The following TMPRSS15 variants were observed in gnomAD, a reference collection of about 807,000 sequenced individuals.
TMPRSS15 encodes the protein transmembrane serine protease 15, also known as enteropeptidase.
A neutral mutation model predicts 125.3 loss-of-function variants in TMPRSS15; 128 were observed. The observed-to-expected ratio is 1.02, with a 90% CI of 0.89 to 1.18. The LOEUF (loss-of-function observed/expected upper bound fraction) is 1.18, where lower values mean the gene tolerates loss of function less well. TMPRSS15 is among the 50% of genes most tolerant of loss of function. TMPRSS15 has a pLI of 0.00. For synonymous variants in TMPRSS15, 446 were observed against 423.2 expected, an observed-to-expected ratio of 1.05 and a Z score of -0.66; for missense variants, 1,283 against 1,212.7, an observed-to-expected ratio of 1.06 and a Z score of -0.86.
chr21:18,297,788 C>A lies in TMPRSS15; in HGVS notation c.2207G>T (p.Gly736Val). 1 of 1,613,734 alleles carries A rather than the reference C, an allele frequency of 6.2e-7. No individual in the cohort carries two copies. The highest frequency in any genetic ancestry group is 1.1e-5 in the South Asian group (1 of 91,062). The change falls in exon 19 of 25, where the codon GGA becomes GTA. Residue 736 changes from glycine to valine, a missense_variant. Coordinates refer to ENST00000284885, the MANE Select transcript of TMPRSS15 (RefSeq NM_002772.3). ...SSKPIFPTDGGPFVKLNTAPD... is the reference protein window; with the variant it reads ...SSKPIFPTDGVPFVKLNTAPD... ...TGCTGTGTTTAATTTGACAAATGGT[C>A]CACCATCGGTAGGGAAGATTGGCTT... is the stretch of plus-strand genomic sequence containing the variant.
At chr21:18,472,852 T>C (rs1978807645) in intron 1 of TMPRSS15, among the ~76,000 whole-genome samples, 1 of 152,066 alleles carries the variant, frequency 6.6e-6, no homozygotes, top group African/African-American at 2.4e-5. Context: ...AATGACCTTG[T>C]TGAAAATGTG....
Position 18,287,757 on chromosome 21 carries a change from T to A in TMPRSS15, c.2486+6513A>T, listed in dbSNP as rs2074783270. ...CAAGGTTGGAAGTTGATATAACCTC[T>A]AATAAAGACATAAATCTAAAAAGTC... On this transcript the variant is annotated intron_variant, in intron 21 of 24. Transcript: ENST00000284885. 2.0e-5 allele frequency among the ~76,000 whole-genome samples: 3 copies of A among 152,176 alleles called. No homozygotes were observed. In the South Asian group the frequency reaches 6.2e-4, roughly 31 times the overall value.
chr21:18,353,702 C>A, intron 9 of TMPRSS15, 21 bp downstream of exon 9: 1 of 1,602,018 alleles, frequency 6.2e-7, no homozygotes. Flanking sequence ...ATTAAAAAGC[C>A]AAAAAATAAA....
chr21:18,479,786 G>A (rs1978946710), intron 1 of TMPRSS15, among the ~76,000 whole-genome samples: 1 of 152,040 alleles, frequency 6.6e-6, no homozygotes, highest in African/African-American at 2.4e-5. Flanking sequence ...TTAAAATATT[G>A]GTGGGATGGT....
chr21:18,294,642 A>AACACTGTTG lies in TMPRSS15; in HGVS notation c.2263_2271dup (p.Gln755_Cys757dup). Reference sequence around the variant, plus strand: ...TGTAACCGAATCAAGGAATCCTGTAAACACTGTTGACTGTAATAGAAGAAC... The same window carrying AACACTGTTG: ...TGTAACCGAATCAAGGAATCCTGTAAACACTGTTGACACTGTTGACTGTAATAGAAGAAC... On this transcript the variant is annotated inframe_insertion, in exon 20 of 25. Coordinates refer to ENST00000284885, the MANE Select transcript of TMPRSS15 (RefSeq NM_002772.3). 6.2e-7 allele frequency: 1 copy of AACACTGTTG among 1,610,934 alleles called. No homozygotes were observed. Among genetic ancestry groups the AACACTGTTG allele is most frequent in the East Asian group, 2.2e-5 (1 of 44,848 alleles).
At chr21:18,370,165 G>A (rs1405842993) in intron 6 of TMPRSS15, among the ~76,000 whole-genome samples, 1 of 151,756 alleles carries the variant, frequency 6.6e-6, no homozygotes, top group Non-Finnish European at 1.5e-5. Context: ...CTAATACTGA[G>A]GCTCATCTCC....
intron 21 of TMPRSS15, among the ~76,000 whole-genome samples, chr21:18,290,346 TTAAATAGAAA>T (rs11277295): frequency 0.81 from 122,105 of 151,612 alleles, 49,389 homozygotes; most frequent in Non-Finnish European, 0.83. Flanking sequence ...CTGAAATTAG[TTAAATAGAAA>T]TAAGGTTTCT....
At chr21:18,469,588 T>A (rs1019852584) in intron 1 of TMPRSS15, among the ~76,000 whole-genome samples, 2 of 152,096 alleles carry the variant, frequency 1.3e-5, no homozygotes, top group Non-Finnish European at 2.9e-5. Flanking sequence ...ATAATATTCA[T>A]TACAATTGTT....
intron 24 of TMPRSS15, 131 bp from the exon 25 acceptor site, chr21:18,270,255 T>A (rs185605365): frequency 4.0e-4 from 300 of 748,816 alleles, no homozygotes; most frequent in Non-Finnish European, 4.7e-4. Context: ...AAGTCATCTG[T>A]ATATATTCTC....
At chr21:18,480,155 A>G (rs531888030) in intron 1 of TMPRSS15, among the ~76,000 whole-genome samples, 5 of 152,028 alleles carry the variant, frequency 3.3e-5, no homozygotes, top group African/African-American at 9.6e-5. Flanking sequence ...ACCAAACACC[A>G]CGTATTCTCA....
chr21:18,385,989 T>G (rs1302584796), intron 3 of TMPRSS15, among the ~76,000 whole-genome samples: 1 of 152,074 alleles, frequency 6.6e-6, no homozygotes. Flanking sequence ...ATGATCCTCC[T>G]GCCTTGGCCT....
intron 1 of TMPRSS15, among the ~76,000 whole-genome samples, chr21:18,412,887 G>A (rs1169954752): frequency 2.0e-5 from 3 of 152,022 alleles, no homozygotes; most frequent in Non-Finnish European, 4.4e-5. Context: ...GGAATTAAAC[G>A]GCATAATAAC....
intron 6 of TMPRSS15, among the ~76,000 whole-genome samples, chr21:18,366,478 A>C (rs1342829526): frequency 6.6e-6 from 1 of 152,098 alleles, no homozygotes; most frequent in Non-Finnish European, 1.5e-5. Flanking sequence ...AATGTCATGC[A>C]TTATTAGTTG....
upstream of TMPRSS15, among the ~76,000 whole-genome samples, chr21:18,403,950 A>G (rs141286990): frequency 5.7e-3 from 873 of 152,316 alleles, 4 homozygotes; most frequent in Middle Eastern, 0.014. Flanking sequence ...ACATTTTATC[A>G]TTTTGAGAAC....
intron 1 of TMPRSS15, among the ~76,000 whole-genome samples, chr21:18,421,874 C>T (rs2076192619): frequency 6.6e-6 from 1 of 152,136 alleles, no homozygotes; most frequent in Admixed American, 6.5e-5. Flanking sequence ...ATTATCGATA[C>T]ACCCCTTCGG....
intron 1 of TMPRSS15, among the ~76,000 whole-genome samples, chr21:18,437,918 C>A (rs1192457955): frequency 6.6e-6 from 1 of 151,662 alleles, no homozygotes; most frequent in African/African-American, 2.4e-5. Flanking sequence ...GTCAGTGTGG[C>A]GATTCCTCAG....
At chr21:18,339,730 T>C (rs1403196716) in intron 13 of TMPRSS15, among the ~76,000 whole-genome samples, 3 of 152,160 alleles carry the variant, frequency 2.0e-5, no homozygotes, top group East Asian at 3.8e-4. Context: ...AAAATCCCTA[T>C]AGAAAGTCAG....
intron 18 of TMPRSS15, among the ~76,000 whole-genome samples, chr21:18,301,853 CTT>C (rs749340451): frequency 4.6e-5 from 7 of 152,040 alleles, no homozygotes; most frequent in Non-Finnish European, 7.4e-5. Flanking sequence ...TTTAGGAAAA[CTT>C]TATTCCATGT....
At chr21:18,436,761 C>G (rs199680077) in intron 1 of TMPRSS15, among the ~76,000 whole-genome samples, 40,619 of 138,466 alleles carry the variant, frequency 0.29, 6,915 homozygotes, top group East Asian at 0.73. Flanking sequence ...TCAAGGAGAA[C>G]TACAAACCAC....
Sources: gnomAD v4.1 joint callset for allele counts (sites outside exome capture counted in the v4.1 genomes callset) on GRCh38, gnomAD v4.1.1 for gene constraint, MANE v1.5 for transcripts, NCBI Gene and HGNC (gene_info 2026-07-23, HGNC 2026-07-21) for gene names.